Variants in INSL6 observed in about 807,000 individuals in gnomAD.
INSL6 encodes insulin like 6.
In INSL6, 16 loss-of-function variants were observed where a neutral mutation model predicts 9.4. The ratio of observed to expected loss-of-function variants is 1.70; its 90% CI spans 1.15 to 2.59. INSL6 has a LOEUF of 2.59. Among genes scored for constraint, INSL6 ranks in the 30% most tolerant of loss-of-function variants. The pLI, the probability that INSL6 is intolerant of heterozygous loss-of-function variation, is 0.00. For missense variants in INSL6, 391 were observed against 257.3 expected, an observed-to-expected ratio of 1.52 and a Z score of -3.56; for synonymous variants, 154 against 96.9, an observed-to-expected ratio of 1.59 and a Z score of -3.46.
At chr9:4,993,450 T>C in the INSL6 span, among the ~76,000 whole-genome samples, 2 of 152,218 alleles carry the variant, frequency 1.3e-5, no homozygotes, top group African/African-American at 4.8e-5. Context: ...CTCTGTTCTC[T>C]CAATTATAAG....
At chr9:5,172,639 A>C (rs1000418168) in intron 1 of INSL6, among the ~76,000 whole-genome samples, 1 of 152,136 alleles carries the variant, frequency 6.6e-6, no homozygotes, top group African/African-American at 2.4e-5. Flanking sequence ...CCGCTTAAAG[A>C]GTGGCCAGGC....
chr9:5,176,256 C>T (rs765372968), intron 1 of INSL6, among the ~76,000 whole-genome samples: 1 of 152,160 alleles, frequency 6.6e-6, no homozygotes, highest in Admixed American at 6.5e-5. Flanking sequence ...CTTTTTAAAT[C>T]TCACCTTTTC....
intron 3 of INSL6, chr9:5,127,736 ATAGAT>A (rs1242843196): frequency 1.3e-5 from 3 of 232,492 alleles, no homozygotes; most frequent in Non-Finnish European, 1.7e-5. Flanking sequence ...AAGCCATAAA[ATAGAT>A]TAGATTGTTT....
In INSL6 at chr9:5,177,484, C is replaced by T. The variant is rs549523635; in HGVS notation, c.289+7830G>A. ...CGACACACAGAGCTGTGTGGAGTCT[C>T]AGCAGAGCAAACGCTCAGGCACACA... On this transcript the variant is annotated intron_variant, in intron 1 of 1. Transcript: ENST00000381641. Among the ~76,000 whole-genome samples the T allele has an allele frequency of 2.4e-4, 36 of 152,318 alleles. 3 individuals carry two copies. In the South Asian group the frequency reaches 4.8e-3, roughly 20 times the overall value.
At chr9:5,053,837 C>T in the INSL6 span, among the ~76,000 whole-genome samples, 1 of 151,804 alleles carries the variant, frequency 6.6e-6, no homozygotes, top group Non-Finnish European at 1.5e-5. Context: ...TTAGATGGTA[C>T]TTGAGCCTTG....
chr9:5,142,407 T>A (rs1824518913), intron 2 of INSL6, among the ~76,000 whole-genome samples: 1 of 152,174 alleles, frequency 6.6e-6, no homozygotes, highest in Admixed American at 6.5e-5. Flanking sequence ...TGTTTGTAGT[T>A]CTCCTTACAG....
chr9:5,051,118 G>A, the INSL6 span, among the ~76,000 whole-genome samples: 6 of 152,144 alleles, frequency 3.9e-5, no homozygotes, highest in South Asian at 8.3e-4. Flanking sequence ...GGAACATTTC[G>A]TATTTCAGAT....
the INSL6 span, among the ~76,000 whole-genome samples, chr9:5,031,613 A>C: frequency 6.6e-6 from 1 of 152,252 alleles, no homozygotes; most frequent in Admixed American, 6.5e-5. Flanking sequence ...TGTAAAGAAA[A>C]TCAAACTATA....
the INSL6 span, among the ~76,000 whole-genome samples, chr9:5,103,701 T>A: frequency 6.6e-6 from 1 of 151,908 alleles, no homozygotes; most frequent in Admixed American, 6.6e-5. Context: ...AAAGAACAGA[T>A]ATCACAACAA....
chr9:5,000,026 C>T, the INSL6 span, among the ~76,000 whole-genome samples: 1 of 152,092 alleles, frequency 6.6e-6, no homozygotes, highest in African/African-American at 2.4e-5. Context: ...GTACTTTTCT[C>T]TGATTCTTAA....
At chr9:5,063,823 C>T in the INSL6 span, among the ~76,000 whole-genome samples, 1 of 152,094 alleles carries the variant, frequency 6.6e-6, no homozygotes, top group African/African-American at 2.4e-5. Context: ...ATGTAAGTAA[C>T]ATGCTGCATT....
the INSL6 span, chr9:5,086,154 G>A: frequency 3.1e-5 from 11 of 360,408 alleles, no homozygotes; most frequent in South Asian, 9.0e-5. Flanking sequence ...CAAGGCTCGG[G>A]GAGCGGTCTC....
intron 1 of INSL6, among the ~76,000 whole-genome samples, chr9:5,171,729 C>A (rs1013410555): frequency 3.3e-5 from 5 of 152,130 alleles, no homozygotes; most frequent in Admixed American, 3.3e-4. Flanking sequence ...TATGAATGAA[C>A]TCCTATTCAC....
chr9:5,046,866 A>G, the INSL6 span, among the ~76,000 whole-genome samples: 1 of 152,206 alleles, frequency 6.6e-6, no homozygotes, highest in Non-Finnish European at 1.5e-5. Context: ...CTGCAGAGCT[A>G]GTATATTTTG....
chr9:5,097,809 A>G, the INSL6 span: 1 of 152,240 alleles, frequency 6.6e-6, no homozygotes, highest in Non-Finnish European at 1.5e-5. Context: ...TCCTATCACC[A>G]GGAGCGGTGT....
At chr9:5,066,738 T>C in the INSL6 span, 1 of 1,606,886 alleles carries the variant, frequency 6.2e-7, no homozygotes. Context: ...TGTATGTACT[T>C]CGATGCAGTC....
At chr9:5,001,407 C>G in the INSL6 span, among the ~76,000 whole-genome samples, 5 of 151,990 alleles carry the variant, frequency 3.3e-5, no homozygotes, top group African/African-American at 4.8e-5. Context: ...TTGGTGTTGA[C>G]TTTTGTCAAA....
At chr9:5,106,061 A>T in the INSL6 span, among the ~76,000 whole-genome samples, 1 of 152,242 alleles carries the variant, frequency 6.6e-6, no homozygotes, top group Non-Finnish European at 1.5e-5. Flanking sequence ...AAACAGACAG[A>T]TGGGATCTAA....
the INSL6 span, chr9:5,021,956 C>G: frequency 2.0e-6 from 3 of 1,524,284 alleles, no homozygotes; most frequent in Non-Finnish European, 2.7e-6. Flanking sequence ...ATTGTTTTCT[C>G]TTACAGGCAA....
Sources: gnomAD v4.1 joint callset for allele counts (sites outside exome capture counted in the v4.1 genomes callset) on GRCh38, gnomAD v4.1.1 for gene constraint, MANE v1.5 for transcripts, NCBI Gene and HGNC (gene_info 2026-07-23, HGNC 2026-07-21) for gene names.